The following MTUS2 variants were observed in gnomAD, a reference collection of about 807,000 sequenced individuals.
MTUS2 encodes microtubule-associated tumor suppressor candidate 2.
Under a neutral mutation model 114.1 loss-of-function variants are expected in MTUS2, and 40 were observed. The ratio of observed to expected loss-of-function variants is 0.35; its 90% CI spans 0.27 to 0.46. MTUS2 has a LOEUF of 0.46. Among genes scored for constraint, MTUS2 ranks in the 20% least tolerant of loss-of-function variants. The pLI is 1.00. For synonymous variants in MTUS2, 688 were observed against 672.0 expected (o/e 1.02, Z -0.37); for missense variants, 1,679 against 1,705.4 (o/e 0.98, Z 0.27).
At chr13:29,218,952 CTT>C (rs59003336) in intron 5 of MTUS2, among the ~76,000 whole-genome samples, 105,500 of 145,134 alleles carry the variant, frequency 0.73, 37,894 homozygotes, top group East Asian at 0.75. Context: ...GCATTCATTT[CTT>C]TTTTTTTTTT....
At chr13:29,251,156 G>T (rs1255032538) in intron 5 of MTUS2, among the ~76,000 whole-genome samples, 2 of 152,142 alleles carry the variant, frequency 1.3e-5, no homozygotes, top group African/African-American at 4.8e-5. Context: ...ACGAGAACAA[G>T]ATCATTTAGC....
At chr13:29,214,659 CT>C (rs1379913584) in intron 5 of MTUS2, among the ~76,000 whole-genome samples, 1 of 152,128 alleles carries the variant, frequency 6.6e-6, no homozygotes, top group African/African-American at 2.4e-5. Context: ...GTTGAAAATT[CT>C]TTTCTTTAAG....
Position 29,503,075 on chromosome 13 carries a change from G to A in MTUS2, c.3979G>A (p.Glu1327Lys), listed in dbSNP as rs545094524. Residue 1327 changes from glutamate (E) to lysine (K), a missense_variant, in exon 16 of 16, where the codon GAA becomes AAA. By Grantham distance (56) the Glu-to-Lys change is moderately conservative. This residue lies in a region of MTUS2 where 822 missense variants were observed against 899.7 expected (regional missense o/e 0.91). Coordinates refer to ENST00000612955, the MANE Select transcript of MTUS2 (RefSeq NM_001033602.4). The part of the protein sequence containing the change: ...QEKKRLSRTN[E>K]ELLWKLQTGD... ...GAAGAAGAGATTGAGCCGAACCAAT[G>A]AAGAGCTGCTTTGGAAGCTCCAAAC... 6.2e-7 allele frequency: 1 copy of A among 1,614,254 alleles called. No individual in the cohort carries two copies. Among genetic ancestry groups the A allele is most frequent in the South Asian group, 1.1e-5 (1 of 91,084 alleles).
chr13:29,481,630 A>G (rs1460936481), intron 10 of MTUS2, among the ~76,000 whole-genome samples: 1 of 152,114 alleles, frequency 6.6e-6, no homozygotes, highest in Non-Finnish European at 1.5e-5. Flanking sequence ...TCAGACGACA[A>G]TACCCACCCA....
intron 8 of MTUS2, among the ~76,000 whole-genome samples, chr13:29,391,980 T>A (rs903098207): frequency 3.3e-5 from 5 of 151,680 alleles, no homozygotes; most frequent in Admixed American, 2.0e-4. Flanking sequence ...CTAAAAAAAA[T>A]TAGCCAGGTG....
intron 5 of MTUS2, among the ~76,000 whole-genome samples, chr13:29,264,500 C>G (rs904802860): frequency 6.6e-6 from 1 of 152,260 alleles, no homozygotes; most frequent in Non-Finnish European, 1.5e-5. Flanking sequence ...CCCATTGGCT[C>G]TGCCCTAGTA....
chr13:29,344,685 C>T (rs182156310), intron 7 of MTUS2, among the ~76,000 whole-genome samples: 14 of 152,258 alleles, frequency 9.2e-5, no homozygotes, highest in Admixed American at 5.9e-4. Flanking sequence ...TACTATTCTA[C>T]TCATTATGCA....
intron 5 of MTUS2, among the ~76,000 whole-genome samples, chr13:29,212,364 CAT>C (rs1895479125): frequency 6.6e-6 from 1 of 152,192 alleles, no homozygotes; most frequent in Admixed American, 6.5e-5. Context: ...TCTGACACCA[CAT>C]GTGTGGGGTT....
chr13:29,117,659 G>A (rs963560705), intron 5 of MTUS2, among the ~76,000 whole-genome samples: 2 of 152,190 alleles, frequency 1.3e-5, no homozygotes, highest in South Asian at 4.1e-4. Flanking sequence ...CACCATAGCC[G>A]CTGTGACAGA....
At chr13:29,436,267 T>C (rs895489026) in intron 8 of MTUS2, among the ~76,000 whole-genome samples, 2 of 152,158 alleles carry the variant, frequency 1.3e-5, no homozygotes, top group East Asian at 3.8e-4. Context: ...TCGTGTTTGA[T>C]GAAGAGTGTG....
intron 5 of MTUS2, among the ~76,000 whole-genome samples, chr13:29,117,308 A>G (rs1891128850): frequency 6.6e-6 from 1 of 152,180 alleles, no homozygotes. Context: ...CCAGTTAAGC[A>G]TGCCCTGCCC....
At chr13:29,083,443 T>C (rs1032922939) in intron 4 of MTUS2, among the ~76,000 whole-genome samples, 1 of 152,224 alleles carries the variant, frequency 6.6e-6, no homozygotes, top group Non-Finnish European at 1.5e-5. Flanking sequence ...ATAGGTTGTA[T>C]TCCTTTAGAG....
At chr13:28,896,708 A>G (rs1172150385) in intron 2 of MTUS2, among the ~76,000 whole-genome samples, 1 of 152,230 alleles carries the variant, frequency 6.6e-6, no homozygotes, top group Non-Finnish European at 1.5e-5. Context: ...ACAGAGATAT[A>G]GACCAATGGA....
chr13:29,385,018 ACATTTGTCG>A (rs1872537689), intron 8 of MTUS2, among the ~76,000 whole-genome samples: 1 of 152,126 alleles, frequency 6.6e-6, no homozygotes, highest in East Asian at 1.9e-4. Flanking sequence ...TCTGTTCGTT[ACATTTGTCG>A]TGAGGGTCCA....
At chr13:29,031,483 T>G (rs1363348169) in intron 3 of MTUS2, among the ~76,000 whole-genome samples, 2 of 151,828 alleles carry the variant, frequency 1.3e-5, no homozygotes, top group Non-Finnish European at 2.9e-5. Flanking sequence ...GGCTGGCAAG[T>G]CAAAAATCTG....
At chr13:29,157,833 T>C (rs1892927462) in intron 5 of MTUS2, among the ~76,000 whole-genome samples, 1 of 152,120 alleles carries the variant, frequency 6.6e-6, no homozygotes, top group Non-Finnish European at 1.5e-5. Context: ...GATATAGATA[T>C]AGATATAGAT....
intron 5 of MTUS2, among the ~76,000 whole-genome samples, chr13:29,219,457 G>A (rs1895818630): frequency 6.6e-6 from 1 of 152,124 alleles, no homozygotes; most frequent in Non-Finnish European, 1.5e-5. Context: ...GTTTATAGCA[G>A]CATGATTTAT....
intron 5 of MTUS2, among the ~76,000 whole-genome samples, chr13:29,224,290 G>C (rs1310996637): frequency 6.6e-6 from 1 of 152,238 alleles, no homozygotes; most frequent in African/African-American, 2.4e-5. Flanking sequence ...CTTCAAAAAG[G>C]CCCTTCATGT....
At chr13:29,396,085 A>G (rs1873895636) in intron 8 of MTUS2, among the ~76,000 whole-genome samples, 1 of 152,216 alleles carries the variant, frequency 6.6e-6, no homozygotes, top group Non-Finnish European at 1.5e-5. Context: ...TCACTAAGTC[A>G]CCGGCATTTG....
Sources: allele counts gnomAD v4.1 joint callset (sites outside exome capture counted in the v4.1 genomes callset), GRCh38; gene constraint gnomAD v4.1.1; regional missense constraint gnomAD v4.1.1; transcripts MANE v1.5; gene names NCBI Gene and HGNC (gene_info 2026-07-23, HGNC 2026-07-21).